Variants in LTBP4 observed in about 807,000 individuals in gnomAD.
The protein encoded by LTBP4 is latent-transforming growth factor beta-binding protein 4.
A neutral mutation model predicts 180.2 loss-of-function variants in LTBP4; 93 were observed. That is an observed-to-expected ratio of 0.52 (90% CI 0.44 to 0.61). The LOEUF is 0.61. LTBP4 is among the 20% of genes least tolerant of loss of function. The pLI is 0.00. For synonymous variants in LTBP4, 947 were observed against 934.5 expected, an observed-to-expected ratio of 1.01 and a Z score of -0.24; for missense variants, 2,116 against 2,256.5, an observed-to-expected ratio of 0.94 and a Z score of 1.26.
At chr19:40,597,285 G>T, upstream of LTBP4, 1 of 1,523,198 alleles carries the variant, frequency 6.6e-7, no homozygotes, top group Non-Finnish European at 8.8e-7. Flanking sequence ...TGGTGCTGTT[G>T]CTGCCGCTCT....
rs1419455536 is a variant in LTBP4, at chr19:40,613,886, G to A, written c.2558-30G>A. On this transcript the variant is annotated intron_variant, in intron 17 of 29. Transcript: ENST00000396819. This position sits in a 1 kb window ranked among gnomAD's most constrained non-coding sequence, Gnocchi z 5.0. ...AGAATGTTAGGCGGAGCGGGAGGTG[G>A]GCCGGGCCTTCGGACGCCCTGTCCC... is the stretch of plus-strand genomic sequence containing the variant. The A allele has an allele frequency of 6.2e-7, 1 of 1,613,022 alleles. No individual in the cohort carries two copies.
intron 1 of LTBP4, 93 bp downstream of exon 1, chr19:40,601,730 C>A: frequency 1.0e-6 from 1 of 997,872 alleles, no homozygotes; most frequent in Non-Finnish European, 1.3e-6. Flanking sequence ...AGAGGGAGCC[C>A]AGATTCCATA....
rs2146052893 is a variant in LTBP4, at chr19:40,627,286, T to C, written c.4297T>C (p.Tyr1433His). 3.9e-6 allele frequency: 6 copies of C among 1,523,882 alleles called. No homozygotes were observed. The highest frequency in any genetic ancestry group is 5.3e-6 in the Non-Finnish European group (6 of 1,137,936). The allele number at this position is 1,523,882 out of a possible 1,614,324, so 94.4% of individuals were successfully genotyped here. The change falls in exon 28 of 30, where the codon TAT becomes CAT. Residue 1433 changes from tyrosine to histidine, a missense_variant. By Grantham distance (83) the Tyr-to-His change is moderately conservative (BLOSUM62 2). Coordinates refer to ENST00000396819, the MANE Select transcript of LTBP4 (RefSeq NM_001042545.2). ...ACCTGGCCCGGGCACCCGCTGGCCCTATCGGTCCCGGGACACCCGCCGCTC... is the reference window on the plus strand; with the variant it reads ...ACCTGGCCCGGGCACCCGCTGGCCCCATCGGTCCCGGGACACCCGCCGCTC... Reference protein sequence around the residue: ...APPGPGTRWPYRSRDTRRSFP... With the variant: ...APPGPGTRWPHRSRDTRRSFP...
intron 4 of LTBP4, 151 bp from the exon 5 acceptor site, chr19:40,606,082 A>G: frequency 2.4e-6 from 2 of 826,874 alleles, no homozygotes; most frequent in Non-Finnish European, 3.9e-6. Context: ...GGAGTCTCCA[A>G]TGTTGCCATT....
chr19:40,593,321 C>A, intron 1 of LTBP4: 1 of 903,526 alleles, frequency 1.1e-6, no homozygotes, highest in Non-Finnish European at 1.7e-6. Context: ...TGGCTCACTG[C>A]AGCCTCGGCC....
intron 15 of LTBP4, 94 bp downstream of exon 15, chr19:40,612,286 C>A: frequency 6.9e-7 from 1 of 1,456,674 alleles, no homozygotes. Flanking sequence ...AACCTCCTGA[C>A]CTGGACCTCA....
At position 40,611,962 on chromosome 19, in the gene LTBP4, C is replaced by T. The variant is rs770079010; in HGVS notation, c.2157C>T (p.Asn719=). 7.4e-6 allele frequency: 12 copies of T among 1,611,766 alleles called. No homozygotes were observed. The highest frequency in any genetic ancestry group is 6.6e-5 in the South Asian group (6 of 90,652). The part of the protein sequence containing the change: ...QCVCPMGFQP[N]TAGSECEDVD... ...TCTGCCCCATGGGCTTCCAACCCAA[C>T]ACTGCTGGCTCCGAGTGCGAGGGTG... Residue 719 remains asparagine, a synonymous_variant, in exon 14 of 30, where the codon AAC becomes AAT. Transcript: ENST00000396819. The surrounding 1 kb of genome is among the most constrained non-coding windows in gnomAD (Gnocchi z 4.4).
At chr19:40,607,054 C>T (rs1430055843) in intron 6 of LTBP4, among the ~76,000 whole-genome samples, 1 of 152,108 alleles carries the variant, frequency 6.6e-6, no homozygotes, top group African/African-American at 2.4e-5. Flanking sequence ...CCCAGCTCTC[C>T]CAGACTTTCT....
chr19:40,623,135 C>G (rs914054322), intron 24 of LTBP4, 114 bp downstream of exon 24: 15 of 675,386 alleles, frequency 2.2e-5, no homozygotes, highest in Non-Finnish European at 2.8e-5. Context: ...TCTGTCTCCC[C>G]GACCCCACCC....
chr19:40,607,587 G>A (rs1372636293), intron 7 of LTBP4, 58 bp downstream of exon 7: 4 of 1,499,436 alleles, frequency 2.7e-6, no homozygotes, highest in African/African-American at 2.8e-5. Context: ...CTCATTCTAC[G>A]CCCCACCCTC....
In LTBP4 at chr19:40,611,257, C is replaced by T. The variant is rs1369459390; in HGVS notation, c.1916C>T (p.Ala639Val). Residue 639 changes from alanine (A) to valine (V), a missense_variant, in exon 13 of 30, where the codon GCG becomes GTG. Physicochemically the swap from Ala to Val is moderately conservative, Grantham distance 64. Around this residue, in one of 5 missense-constraint regions of LTBP4, gnomAD observed 877 missense variants for 873.6 expected, o/e 1.00. Transcript: ENST00000396819. The surrounding 1 kb of genome is among the most constrained non-coding windows in gnomAD (Gnocchi z 4.4). ...TGCCCGGCTGGCTTCCGGGGCTCGG[C>T]GTGTGAAGAGGATGTGGATGAGTGT... is the stretch of plus-strand genomic sequence containing the variant. ...CVCPAGFRGS[A>V]CEEDVDECAQ... 2.3e-5 allele frequency: 37 copies of T among 1,612,576 alleles called. 1 individual carries two copies. The highest frequency in any genetic ancestry group is 3.3e-5 in the Admixed American group (2 of 59,788).
chr19:40,613,463 G>A lies in LTBP4; in HGVS notation c.2491G>A (p.Asp831Asn). The A allele has an allele frequency of 6.3e-7, 1 of 1,598,758 alleles. No homozygotes were observed. Among genetic ancestry groups the A allele is most frequent in the Non-Finnish European group, 8.5e-7 (1 of 1,173,182 alleles). The change falls in exon 17 of 30, where the codon GAC becomes AAC. Residue 831 changes from aspartate (D) to asparagine (N), a missense_variant. By Grantham distance (23) the Asp-to-Asn change is conservative (BLOSUM62 1). Coordinates refer to ENST00000396819, the MANE Select transcript of LTBP4 (RefSeq NM_001042545.2). The surrounding 1 kb of genome is among the most constrained non-coding windows in gnomAD (Gnocchi z 5.0). ...CFPHGECLNT[D>N]GSFACTCAPG... ...CCCTCACGGCGAGTGCCTCAACACT[G>A]ACGGCTCCTTTGCCTGTACTTGTGC...
chr19:40,597,370 C>T, upstream of LTBP4: 1 of 1,517,846 alleles, frequency 6.6e-7, no homozygotes, highest in Non-Finnish European at 8.8e-7. Context: ...GGTCCCCAGC[C>T]GCCCGGCCAG....
At chr19:40,615,204 G>GGGGGC (rs1568409329) in intron 19 of LTBP4, 12 of 147,554 alleles carry the variant, frequency 8.1e-5, no homozygotes, top group African/African-American at 3.0e-4. Context: ...GGGGGGGGGG[G>GGGGGC]GGCGGTGATG....
In LTBP4 at chr19:40,619,604, A is replaced by C. The variant is rs2081572647; in HGVS notation, c.3217+111A>C. 9.1e-6 allele frequency: 11 copies of C among 1,210,546 alleles called. No individual in the cohort carries two copies. The East Asian group carries it at 2.8e-4, about 31-fold the overall frequency. 75.0% of individuals were successfully genotyped at this position (1,210,546 alleles called of 1,614,324 possible). A position where few individuals can be genotyped will look rare whatever the true frequency, so the allele number is the denominator to read the frequency against. ...CCATCAGCTAAATACTGTTGTTTTA[A>C]ACATCAACAAAAGACACATAAGTTA... On this transcript the variant is annotated intron_variant, in intron 22 of 29. Coordinates refer to ENST00000396819, the MANE Select transcript of LTBP4 (RefSeq NM_001042545.2).
intron 24 of LTBP4, among the ~76,000 whole-genome samples, 193 bp downstream of exon 24, chr19:40,623,214 G>A (rs1422607363): frequency 4.3e-5 from 6 of 138,028 alleles, no homozygotes; most frequent in Admixed American, 7.7e-5. Flanking sequence ...TGTTCTTGTC[G>A]CCCAGGCTGG....
At chr19:40,596,929 C>T (rs1197131136), upstream of LTBP4, among the ~76,000 whole-genome samples, 3 of 152,094 alleles carry the variant, frequency 2.0e-5, no homozygotes, top group Admixed American at 6.6e-5. Context: ...ACGCCTGGGA[C>T]CTCTGTTCCA....
At position 40,613,622 on chromosome 19, in the gene LTBP4, G is replaced by A; in HGVS notation, c.2557+93G>A. On this transcript the variant is annotated intron_variant, in intron 17 of 29. Transcript: ENST00000396819. This position sits in a 1 kb window ranked among gnomAD's most constrained non-coding sequence, Gnocchi z 5.0. ...GAAGAGGGCGAAAAGGGGAAAACGA[G>A]TTTTTAGCCGGGGTATTCCAGCAGG... The A allele has an allele frequency of 6.5e-7, 1 of 1,528,666 alleles. No individual in the cohort carries two copies. Among genetic ancestry groups the A allele is most frequent in the Non-Finnish European group, 8.8e-7 (1 of 1,139,114 alleles). The allele number at this position is 1,528,666 out of a possible 1,614,324, so 94.7% of individuals were successfully genotyped here.
At chr19:40,614,136 C>T in intron 18 of LTBP4, 98 bp downstream of exon 18, 1 of 1,523,696 alleles carries the variant, frequency 6.6e-7, no homozygotes, top group Admixed American at 1.8e-5. Flanking sequence ...CTTCTCCCCT[C>T]CCCTTACCTC....
Sources: gnomAD v4.1 joint callset for allele counts (sites outside exome capture counted in the v4.1 genomes callset) on GRCh38, gnomAD v4.1.1 for gene constraint, gnomAD v4.1.1 regional missense constraint, Gnocchi (gnomAD v3.1) non-coding constraint, MANE v1.5 for transcripts, NCBI Gene and HGNC (gene_info 2026-07-23, HGNC 2026-07-21) for gene names.